CACNA2D1: variants seen among roughly 807,000 people sequenced by gnomAD.
CACNA2D1 encodes the protein voltage-dependent calcium channel subunit alpha-2/delta-1.
Under a neutral mutation model 171.5 loss-of-function variants are expected in CACNA2D1, and 53 were observed. The observed-to-expected ratio is 0.31, with a 90% confidence interval of 0.25 to 0.39. CACNA2D1 has a LOEUF of 0.39. CACNA2D1 is among the 10% of genes least tolerant of loss of function. CACNA2D1 has a pLI of 1.00. For synonymous variants in CACNA2D1, 442 were observed against 443.1 expected (o/e 1.00, Z 0.03); for missense variants, 903 against 1,299.8 (o/e 0.69, Z 4.69).
chr7:82,117,886 AATTT>A (rs1301037701), intron 5 of CACNA2D1, among the ~76,000 whole-genome samples: 1 of 152,176 alleles, frequency 6.6e-6, no homozygotes, highest in Non-Finnish European at 1.5e-5. Context: ...TAAATTTCAC[AATTT>A]ATTTAACTAA....
At chr7:82,383,098 C>A (rs1823892870) in intron 1 of CACNA2D1, among the ~76,000 whole-genome samples, 3 of 152,082 alleles carry the variant, frequency 2.0e-5, no homozygotes, top group Admixed American at 2.0e-4. Context: ...TTAAAATAAA[C>A]CCACTAGGTA....
chr7:82,402,903 T>A (rs1265375778), intron 1 of CACNA2D1, among the ~76,000 whole-genome samples: 1 of 151,838 alleles, frequency 6.6e-6, no homozygotes. Context: ...AGAATGATAA[T>A]AGATTATTAT....
chr7:82,374,045 A>G (rs1386425819), intron 1 of CACNA2D1, among the ~76,000 whole-genome samples: 1 of 152,246 alleles, frequency 6.6e-6, no homozygotes, highest in Non-Finnish European at 1.5e-5. Flanking sequence ...AAAGGTTGAC[A>G]TGGGTCAGTC....
intron 3 of CACNA2D1, among the ~76,000 whole-genome samples, chr7:82,241,743 A>C (rs1804320790): frequency 6.6e-6 from 1 of 152,192 alleles, no homozygotes; most frequent in African/African-American, 2.4e-5. Context: ...TTCTGGGCCC[A>C]GTCACATATA....
chr7:82,150,211 CT>C (rs1489681411), intron 4 of CACNA2D1, among the ~76,000 whole-genome samples: 5 of 147,402 alleles, frequency 3.4e-5, no homozygotes, highest in East Asian at 4.1e-4. Context: ...ATCCTTCCAC[CT>C]TTAAGGTTTG....
intron 3 of CACNA2D1, among the ~76,000 whole-genome samples, chr7:82,192,467 TGTGTGTG>T (rs1246819243): frequency 0.013 from 14 of 1,112 alleles, no homozygotes; most frequent in Non-Finnish European, 0.026. Context: ...TGTTTGTGTG[TGTGTGTG>T]TGTGTGTGTG....
At chr7:82,023,815 C>T (rs2131052372) in intron 12 of CACNA2D1, 1 of 151,818 alleles carries the variant, frequency 6.6e-6, no homozygotes, top group South Asian at 2.1e-4. Context: ...ATTAGTAACT[C>T]CCCATTTCTC....
chr7:82,073,580 A>C (rs903302273), intron 7 of CACNA2D1, among the ~76,000 whole-genome samples: 1 of 152,040 alleles, frequency 6.6e-6, no homozygotes, highest in Non-Finnish European at 1.5e-5. Context: ...GCAAGTCTTC[A>C]TATGTTGGTA....
rs1194542190 is a variant in CACNA2D1, at chr7:82,046,094, TG to T, written c.880-7860del. ...AATTAGAAAAACTGCTATCTTCACATGGGTATCCTTTTCATTCCAGGAAAAA... is the reference window on the plus strand; with the variant it reads ...AATTAGAAAAACTGCTATCTTCACATGGTATCCTTTTCATTCCAGGAAAAA... On this transcript the variant is annotated intron_variant, in intron 10 of 38. Coordinates refer to ENST00000356860, the MANE Select transcript of CACNA2D1 (RefSeq NM_000722.4). Among the ~76,000 whole-genome samples, 3 of 152,308 alleles carry T rather than the reference TG, an allele frequency of 2.0e-5. No homozygotes were observed. In the East Asian group the frequency reaches 5.8e-4, roughly 29 times the overall value.
intron 1 of CACNA2D1, among the ~76,000 whole-genome samples, chr7:82,409,127 G>A (rs1827378997): frequency 6.6e-6 from 1 of 151,916 alleles, no homozygotes; most frequent in African/African-American, 2.4e-5. Flanking sequence ...AAGTTCCCCA[G>A]CTTGTAATTA....
chr7:82,039,087 T>C (rs2131210648), intron 10 of CACNA2D1, among the ~76,000 whole-genome samples: 1 of 152,272 alleles, frequency 6.6e-6, no homozygotes, highest in African/African-American at 2.4e-5. Flanking sequence ...ATTCAGGCTC[T>C]TGGCACCTAA....
chr7:82,186,194 A>AGGGG, intron 3 of CACNA2D1, among the ~76,000 whole-genome samples: 1 of 81,520 alleles, frequency 1.2e-5, no homozygotes, highest in East Asian at 4.5e-4. Flanking sequence ...GAAGGAAGGG[A>AGGGG]GGGAGGGAGG....
intron 4 of CACNA2D1, among the ~76,000 whole-genome samples, chr7:82,154,490 G>T (rs1052052452): frequency 6.6e-6 from 1 of 152,014 alleles, no homozygotes; most frequent in African/African-American, 2.4e-5. Flanking sequence ...GGGGGACAAG[G>T]GGAGGGAACT....
Position 82,217,011 on chromosome 7 carries a change from G to A in CACNA2D1, c.295-46402C>T, listed in dbSNP as rs556916400. On this transcript the variant is annotated intron_variant, in intron 3 of 38. Coordinates refer to ENST00000356860, the MANE Select transcript of CACNA2D1 (RefSeq NM_000722.4). Reference sequence around the variant, plus strand: ...ATTCTTTTTATGTCAAACCAGTGGAGAATTAATGTATAGTTGCCAAATTTA... The same window carrying A: ...ATTCTTTTTATGTCAAACCAGTGGAAAATTAATGTATAGTTGCCAAATTTA... 1.2e-4 allele frequency among the ~76,000 whole-genome samples: 18 copies of A among 151,758 alleles called. No individual in the cohort carries two copies. The East Asian group carries it at 2.5e-3, about 21-fold the overall frequency.
At chr7:82,201,589 G>C (rs1047265191) in intron 3 of CACNA2D1, among the ~76,000 whole-genome samples, 2 of 152,128 alleles carry the variant, frequency 1.3e-5, no homozygotes, top group African/African-American at 4.8e-5. Flanking sequence ...TCTTCCCCCA[G>C]GTGCAGTGTT....
chr7:82,429,857 A>G (rs1829523976), intron 1 of CACNA2D1, among the ~76,000 whole-genome samples: 1 of 152,148 alleles, frequency 6.6e-6, no homozygotes, highest in Non-Finnish European at 1.5e-5. Flanking sequence ...ACTTATATCG[A>G]CAGGAAAATC....
intron 10 of CACNA2D1, among the ~76,000 whole-genome samples, chr7:82,051,804 T>G (rs1270174766): frequency 1.3e-5 from 2 of 152,188 alleles, no homozygotes; most frequent in South Asian, 4.1e-4. Context: ...GAACACGCTG[T>G]GATTGAATTG....
Position 81,950,275 on chromosome 7 carries a change from A to G in CACNA2D1, c.*117T>C, listed in dbSNP as rs572486752. 9.9e-5 allele frequency: 157 copies of G among 1,593,128 alleles called. No homozygotes were observed. Among genetic ancestry groups the G allele is most frequent in the Non-Finnish European group, 2.6e-6 (3 of 1,166,184 alleles). ...GCGCCTTAGTGTTATGCCATGGAAC[A>G]GGCCCAGCTAATGTTTGTCTGATTT... On this transcript the variant is annotated 3_prime_UTR_variant, in exon 39 of 39. Coordinates refer to ENST00000356860, the MANE Select transcript of CACNA2D1 (RefSeq NM_000722.4).
intron 3 of CACNA2D1, among the ~76,000 whole-genome samples, chr7:82,251,241 T>G (rs954527903): frequency 6.6e-6 from 1 of 152,148 alleles, no homozygotes; most frequent in Non-Finnish European, 1.5e-5. Flanking sequence ...GCCTGTAAAA[T>G]GATCAATTCA....
Sources: allele counts gnomAD v4.1 joint callset (sites outside exome capture counted in the v4.1 genomes callset), GRCh38; gene constraint gnomAD v4.1.1; transcripts MANE v1.5; gene names NCBI Gene and HGNC (gene_info 2026-07-23, HGNC 2026-07-21).